Variants in ICAM1 observed in about 807,000 individuals in gnomAD.
ICAM1 encodes the protein ICAM-1.
Under a neutral mutation model 42.3 loss-of-function variants are expected in ICAM1, and 28 were observed. The observed-to-expected ratio is 0.66, with a 90% CI of 0.49 to 0.91. ICAM1 has a LOEUF of 0.91. ICAM1 is among the 40% of genes least tolerant of loss of function. The probability of loss-of-function intolerance (pLI) is 0.00; values close to 1 mark genes in which losing one functional copy is unlikely to be tolerated. For missense variants in ICAM1, 637 were observed against 688.6 expected (o/e 0.93, Z 0.84); for synonymous variants, 304 against 305.9 (o/e 0.99, Z 0.07).
chr19:10,277,437 C>A (rs1160151018), intron 2 of ICAM1, among the ~76,000 whole-genome samples: 1 of 151,960 alleles, frequency 6.6e-6, no homozygotes, highest in Non-Finnish European at 1.5e-5. Context: ...CCTCGGCCTC[C>A]CAAAGTGCTG....
rs187689818 is a variant in ICAM1, at chr19:10,275,954, C to T, written c.331+926C>T. 2.6e-3 allele frequency among the ~76,000 whole-genome samples: 390 copies of T among 151,186 alleles called. 1 individual carries two copies. The highest frequency in any genetic ancestry group is 8.4e-3 in the African/African-American group (349 of 41,302). On this transcript the variant is annotated intron_variant, in intron 2 of 6. Transcript: ENST00000264832. ...CAATCTCCTGACCTAGTGGTCCGCC[C>T]GCCTCGGCCTCCCAAAGTGCTGGGA... is the stretch of plus-strand genomic sequence containing the variant.
At position 10,283,513 on chromosome 19, in the gene ICAM1, C is replaced by A; in HGVS notation, c.364C>A (p.Pro122Thr). The change falls in exon 3 of 7, where the codon CCC (proline) becomes ACC (threonine). Residue 122 changes from proline (P) to threonine (T), a missense_variant. Coordinates refer to ENST00000264832, the MANE Select transcript of ICAM1 (RefSeq NM_000201.3). ...AGAACGGGTGGAACTGGCACCCCTCCCCTCTTGGCAGCCAGTGGGCAAGAA... is the reference window on the plus strand; with the variant it reads ...AGAACGGGTGGAACTGGCACCCCTCACCTCTTGGCAGCCAGTGGGCAAGAA... Reference protein sequence around the residue: ...TPERVELAPLPSWQPVGKNLT... With the variant: ...TPERVELAPLTSWQPVGKNLT... The A allele has an allele frequency of 6.3e-7, 1 of 1,588,144 alleles. No individual in the cohort carries two copies. Among genetic ancestry groups the A allele is most frequent in the South Asian group, 1.1e-5 (1 of 88,024 alleles).
chr19:10,274,955 A>G lies in ICAM1; in HGVS notation c.258A>G (p.Glu86=), dbSNP rs1430143134. ...RKVYELSNVQ[E]DSQPMCYSNC... is the part of the protein sequence containing the mutation. ...TGTATGAACTGAGCAATGTGCAAGA[A>G]GATAGCCAACCAATGTGCTATTCAA... is the stretch of plus-strand genomic sequence containing the variant. The change falls in exon 2 of 7, where the codon GAA becomes GAG. Residue 86 remains glutamate (E), a synonymous_variant. Coordinates refer to ENST00000264832, the MANE Select transcript of ICAM1 (RefSeq NM_000201.3). The G allele has an allele frequency of 1.9e-6, 3 of 1,614,116 alleles. No homozygotes were observed. Among genetic ancestry groups the G allele is most frequent in the Non-Finnish European group, 2.5e-6 (3 of 1,180,048 alleles).
chr19:10,284,933 C>T lies in ICAM1; in HGVS notation c.1331C>T (p.Ser444Leu), dbSNP rs1285002056. ...ACTTTCCCACTGCCCATCGGGGAAT[C>T]AGTGACTGTCACTCGAGATCTTGAG... ...DGTFPLPIGESVTVTRDLEGT... is the reference protein window; with the variant it reads ...DGTFPLPIGELVTVTRDLEGT... Residue 444 changes from serine to leucine, a missense_variant, in exon 6 of 7, where the codon TCA becomes TTA. Transcript: ENST00000264832. The surrounding 1 kb of genome is among the most constrained non-coding windows in gnomAD (Gnocchi z 5.4). 2 of 1,608,446 alleles carry T rather than the reference C, an allele frequency of 1.2e-6. No individual in the cohort carries two copies. Among genetic ancestry groups the T allele is most frequent in the South Asian group, 1.1e-5 (1 of 90,732 alleles).
chr19:10,285,115 C>T lies in ICAM1; in HGVS notation c.1427C>T (p.Ser476Phe). 6.2e-7 allele frequency: 1 copy of T among 1,613,954 alleles called. No individual in the cohort carries two copies. Among genetic ancestry groups the T allele is most frequent in the Non-Finnish European group, 8.5e-7 (1 of 1,179,932 alleles). The change falls in exon 7 of 7, where the codon TCC (serine) becomes TTC (phenylalanine). Residue 476 changes from serine (S) to phenylalanine (F), a missense_variant and splice_region_variant. Ser to Phe is a radical substitution (Grantham distance 155, BLOSUM62 -2). Coordinates refer to ENST00000264832, the MANE Select transcript of ICAM1 (RefSeq NM_000201.3). ...ACCGCCTGTTGTATCCTCCCCACAG[C>T]CCCCCGGTATGAGATTGTCATCATC... ...VTRKVTVNVL[S>F]PRYEIVIITV...
chr19:10,271,362 C>A (rs2039978982), intron 1 of ICAM1, 136 bp downstream of exon 1: 10 of 707,190 alleles, frequency 1.4e-5, no homozygotes, highest in Non-Finnish European at 2.4e-6. Flanking sequence ...AAGGCAACAG[C>A]CAGTAGGTTC....
rs780857308 is a variant in ICAM1, at chr19:10,284,871, G to T, written c.1269G>T (p.Gly423=). The part of the protein sequence containing the change: ...SQQTPMCQAW[G]NPLPELKCLK... Reference sequence around the variant, plus strand: ...AGACTCCAATGTGCCAGGCTTGGGGGAACCCATTGCCCGAGCTCAAGTGTC... The same window carrying T: ...AGACTCCAATGTGCCAGGCTTGGGGTAACCCATTGCCCGAGCTCAAGTGTC... Residue 423 remains glycine (G), a synonymous_variant, in exon 6 of 7, where the codon GGG becomes GGT. Transcript: ENST00000264832. The surrounding 1 kb of genome is among the most constrained non-coding windows in gnomAD (Gnocchi z 5.4). The T allele has an allele frequency of 1.3e-6, 2 of 1,595,322 alleles. No homozygotes were observed. The highest frequency in any genetic ancestry group is 1.4e-5 in the African/African-American group (1 of 73,718).
Position 10,284,894 on chromosome 19 carries a change from G to T in ICAM1, c.1292G>T (p.Cys431Phe). 6.2e-7 allele frequency: 1 copy of T among 1,600,794 alleles called. No homozygotes were observed. The highest frequency in any genetic ancestry group is 1.1e-5 in the South Asian group (1 of 89,808). ...AWGNPLPELK[C>F]LKDGTFPLPI... ...GGGAACCCATTGCCCGAGCTCAAGT[G>T]TCTAAAGGATGGCACTTTCCCACTG... The change falls in exon 6 of 7, where the codon TGT becomes TTT. Residue 431 changes from cysteine (C) to phenylalanine (F), a missense_variant. By Grantham distance (205) the Cys-to-Phe change is radical (BLOSUM62 -2). Coordinates refer to ENST00000264832, the MANE Select transcript of ICAM1 (RefSeq NM_000201.3). This position sits in a 1 kb window ranked among gnomAD's most constrained non-coding sequence, Gnocchi z 5.4.
chr19:10,280,484 C>T (rs2145495379), intron 2 of ICAM1, among the ~76,000 whole-genome samples: 1 of 152,152 alleles, frequency 6.6e-6, no homozygotes, highest in East Asian at 1.9e-4. Flanking sequence ...AGAAATCCTC[C>T]TCCCACCCTT....
In ICAM1 at chr19:10,285,660, C is replaced by T. The variant is rs3093032; in HGVS notation, c.*373C>T. 21,373 of 209,964 alleles carry T rather than the reference C, an allele frequency of 0.1. 1,402 individuals are homozygous for T. Among genetic ancestry groups the T allele is most frequent in the Middle Eastern group, 0.19 (101 of 540 alleles). The allele number at this position is 209,964 out of a possible 1,614,324, so 13.0% of individuals were successfully genotyped here. ...TTGCTGCCTATTGGGTATGCTGAGGCCCCACAGACTTACAGAAGAAGTGGC... is the reference window on the plus strand; with the variant it reads ...TTGCTGCCTATTGGGTATGCTGAGGTCCCACAGACTTACAGAAGAAGTGGC... On this transcript the variant is annotated 3_prime_UTR_variant, in exon 7 of 7. Transcript: ENST00000264832.
intron 2 of ICAM1, among the ~76,000 whole-genome samples, chr19:10,277,701 T>TG (rs997146590): frequency 2.0e-5 from 3 of 151,588 alleles, no homozygotes; most frequent in Non-Finnish European, 4.4e-5. Context: ...TTGGCCAGGC[T>TG]GGTCTTGATC....
intron 2 of ICAM1, among the ~76,000 whole-genome samples, chr19:10,275,781 C>T (rs1430017615): frequency 6.9e-6 from 1 of 144,090 alleles, no homozygotes; most frequent in East Asian, 2.1e-4. Flanking sequence ...GATCTCGGCT[C>T]ACTGCAAGCT....
chr19:10,276,931 C>T (rs910275034), intron 2 of ICAM1, among the ~76,000 whole-genome samples: 1 of 146,594 alleles, frequency 6.8e-6, no homozygotes, highest in Non-Finnish European at 1.5e-5. Context: ...GCTGAGATTG[C>T]GCCACTGCAC....
At chr19:10,277,580 C>T (rs1167818095) in intron 2 of ICAM1, among the ~76,000 whole-genome samples, 1 of 151,832 alleles carries the variant, frequency 6.6e-6, no homozygotes, top group African/African-American at 2.4e-5. Flanking sequence ...CTCTCCCTCC[C>T]GGGTTCAAGC....
intron 2 of ICAM1, among the ~76,000 whole-genome samples, chr19:10,280,547 G>GC (rs2040048689): frequency 6.9e-6 from 1 of 144,028 alleles, no homozygotes; most frequent in Non-Finnish European, 1.5e-5. Context: ...AGCCCAGCTG[G>GC]TTTTTTTTTT....
intron 2 of ICAM1, among the ~76,000 whole-genome samples, chr19:10,278,549 T>TTTTTTTTTTA (rs2040032685): frequency 2.4e-5 from 1 of 40,964 alleles, no homozygotes; most frequent in Non-Finnish European, 5.5e-5. Flanking sequence ...CTGATAGGTC[T>TTTTTTTTTTA]TTTTTTTTTT....
intron 2 of ICAM1, 74 bp from the exon 3 acceptor site, chr19:10,283,407 G>A (rs1203116960): frequency 7.0e-7 from 1 of 1,428,598 alleles, no homozygotes; most frequent in African/African-American, 1.4e-5. Context: ...GGGCTCCCAG[G>A]CAGGTGCAGT....
chr19:10,285,307 C>G lies in ICAM1; in HGVS notation c.*20C>G. Reference sequence around the variant, plus strand: ...CCCTGAACCTATCCCGGGACAGGGCCTCTTCCTCGGCCTTCCCATATTGGT... The same window carrying G: ...CCCTGAACCTATCCCGGGACAGGGCGTCTTCCTCGGCCTTCCCATATTGGT... On this transcript the variant is annotated 3_prime_UTR_variant, in exon 7 of 7. Transcript: ENST00000264832. 1 of 1,609,590 alleles carries G rather than the reference C, an allele frequency of 6.2e-7. No homozygotes were observed. Among genetic ancestry groups the G allele is most frequent in the South Asian group, 1.1e-5 (1 of 90,508 alleles).
At chr19:10,275,369 C>G (rs571297393) in intron 2 of ICAM1, among the ~76,000 whole-genome samples, 2 of 152,022 alleles carry the variant, frequency 1.3e-5, no homozygotes, top group African/African-American at 4.8e-5. Context: ...TGGTGTCAAG[C>G]GCCTGTAATC....
Sources: gnomAD v4.1 joint callset for allele counts (sites outside exome capture counted in the v4.1 genomes callset) on GRCh38, gnomAD v4.1.1 for gene constraint, Gnocchi (gnomAD v3.1) non-coding constraint, MANE v1.5 for transcripts, NCBI Gene and HGNC (gene_info 2026-07-23, HGNC 2026-07-21) for gene names.